Variants in TBC1D16 observed in about 807,000 individuals in gnomAD.
TBC1D16 encodes TBC1 domain family member 16.
TBC1D16 carries 58 observed loss-of-function variants against 74.7 expected under a neutral mutation model. The ratio of observed to expected loss-of-function variants is 0.78; its 90% CI spans 0.63 to 0.97. TBC1D16 has a LOEUF of 0.97. Among genes scored for constraint, TBC1D16 ranks in the 50% least tolerant of loss-of-function variants. The pLI, the probability that TBC1D16 is intolerant of heterozygous loss-of-function variation, is 0.00. For synonymous variants in TBC1D16, 493 were observed against 474.7 expected, an observed-to-expected ratio of 1.04 and a Z score of -0.50; for missense variants, 1,014 against 1,079.5, an observed-to-expected ratio of 0.94 and a Z score of 0.85.
Position 79,954,465 on chromosome 17 carries a change from C to A in TBC1D16, c.780-1647G>T, listed in dbSNP as rs2033238394. 6.6e-6 allele frequency among the ~76,000 whole-genome samples: 1 copy of A among 152,192 alleles called. No individual in the cohort carries two copies. The highest frequency in any genetic ancestry group is 2.1e-4 in the South Asian group (1 of 4,830). ...CGAACAGGTCCTCCCACTGCTGGGG[C>A]CCCTGGGCTCTCAAGGAAACTGAGT... On this transcript the variant is annotated intron_variant, in intron 3 of 11. Transcript: ENST00000310924. The surrounding 1 kb of genome is among the most constrained non-coding windows in gnomAD (Gnocchi z 5.5).
rs1338503083 is a variant in TBC1D16 at position 79,933,382 on chromosome 17, C to T, written c.*7477G>A. On this transcript the variant is annotated 3_prime_UTR_variant, in exon 12 of 12. Coordinates refer to ENST00000310924, the MANE Select transcript of TBC1D16 (RefSeq NM_019020.4). The stretch of plus-strand genomic sequence containing the variant: ...TCCCAGCCAAAGCGGCAAAGCCAGA[C>T]CTCCCGGGATTCCTTGAGTTTGGAC... The T allele has an allele frequency of 6.6e-6, 1 of 152,198 alleles. No homozygotes were observed. Among genetic ancestry groups the T allele is most frequent in the African/African-American group, 2.4e-5 (1 of 41,424 alleles). The allele number at this position is 152,198 out of a possible 1,614,324, so 9.4% of individuals were successfully genotyped here. A position where few individuals can be genotyped will look rare whatever the true frequency, so the allele number is the denominator to read the frequency against.
In TBC1D16 at chr17:80,030,638, G is replaced by A. The variant is rs570814069; in HGVS notation, c.-63+5157C>T. On this transcript the variant is annotated intron_variant, in intron 1 of 11. Coordinates refer to ENST00000310924, the MANE Select transcript of TBC1D16 (RefSeq NM_019020.4). ...CTCTGTGCCGTGCACCGGCCTCAGG[G>A]CCACCTTGGGTTAGGGGCCAGGATG... Among the ~76,000 whole-genome samples the A allele has an allele frequency of 3.0e-4, 46 of 152,328 alleles. No individual in the cohort carries two copies. The South Asian group carries it at 8.5e-3, about 28-fold the overall frequency.
chr17:79,947,543 C>G, intron 9 of TBC1D16, 102 bp downstream of exon 9: 1 of 1,343,286 alleles, frequency 7.4e-7, no homozygotes, highest in Non-Finnish European at 1.0e-6. Flanking sequence ...CACTGACCTA[C>G]AGCAGCCAAG....
Position 79,954,311 on chromosome 17 carries a change from C to T in TBC1D16, c.780-1493G>A, listed in dbSNP as rs2033230284. Among the ~76,000 whole-genome samples, 1 of 152,228 alleles carries T rather than the reference C, an allele frequency of 6.6e-6. No homozygotes were observed. The highest frequency in any genetic ancestry group is 6.5e-5 in the Admixed American group (1 of 15,286). On this transcript the variant is annotated intron_variant, in intron 3 of 11. Transcript: ENST00000310924. This position sits in a 1 kb window ranked among gnomAD's most constrained non-coding sequence, Gnocchi z 5.5. Reference sequence around the variant, plus strand: ...CCTTTGGAGGGTTCCAGCACAATCCCTCCCCACTGGGAACTTCACACAGAG... The same window carrying T: ...CCTTTGGAGGGTTCCAGCACAATCCTTCCCCACTGGGAACTTCACACAGAG...
Position 79,975,596 on chromosome 17 carries a change from TG to T in TBC1D16, c.780-22779del, listed in dbSNP as rs1243734857. ...CAACGAGTGACAGAGGGTTGGGGAC[TG>T]GGGGGGTCGTGCATGAAGACAGCCA... is the stretch of plus-strand genomic sequence containing the variant. On this transcript the variant is annotated intron_variant, in intron 3 of 11. Coordinates refer to ENST00000310924, the MANE Select transcript of TBC1D16 (RefSeq NM_019020.4). The surrounding 1 kb of genome is among the most constrained non-coding windows in gnomAD (Gnocchi z 4.5). Among the ~76,000 whole-genome samples, 6 of 152,104 alleles carry T rather than the reference TG, an allele frequency of 3.9e-5. No individual in the cohort carries two copies. The highest frequency in any genetic ancestry group is 7.4e-5 in the Non-Finnish European group (5 of 68,004).
chr17:79,950,480 G>T lies in TBC1D16; in HGVS notation c.1188C>A (p.Leu396=). The change falls in exon 6 of 12, where the codon CTC becomes CTA. Residue 396 remains leucine, a synonymous_variant. Coordinates refer to ENST00000310924, the MANE Select transcript of TBC1D16 (RefSeq NM_019020.4). This position sits in a 1 kb window ranked among gnomAD's most constrained non-coding sequence, Gnocchi z 4.6. The part of the protein sequence containing the change: ...THPEESMYKR[L]GVSAWLNHLN... ...GGTGGTTGAGCCAGGCGGAGACGCCGAGCCTCTTGTACATGCTCTCCTCGG... is the reference window on the plus strand; with the variant it reads ...GGTGGTTGAGCCAGGCGGAGACGCCTAGCCTCTTGTACATGCTCTCCTCGG... 1.9e-6 allele frequency: 3 copies of T among 1,613,060 alleles called. No individual in the cohort carries two copies. The highest frequency in any genetic ancestry group is 2.5e-6 in the Non-Finnish European group (3 of 1,179,858).
At chr17:80,016,725 C>T (rs1422791506) in intron 1 of TBC1D16, among the ~76,000 whole-genome samples, 1 of 152,128 alleles carries the variant, frequency 6.6e-6, no homozygotes, top group Admixed American at 6.5e-5. Flanking sequence ...GGCGGCTCAG[C>T]GCTCTCTGCC....
Position 79,949,742 on chromosome 17 carries a change from C to G in TBC1D16, c.1381G>C (p.Glu461Gln). Residue 461 changes from glutamate to glutamine, a missense_variant, in exon 7 of 12, where the codon GAG (glutamate) becomes CAG (glutamine). Transcript: ENST00000310924. ...CTTTTCTGCTGGATCTCAGAGTACT[C>G]CTTTCGCTTCTGCAGCCGCAGCGCC... Reference protein sequence around the residue: ...REALRLQKRKEYSEIQQKRLS... With the variant: ...REALRLQKRKQYSEIQQKRLS... 1 of 1,613,024 alleles carries G rather than the reference C, an allele frequency of 6.2e-7. No individual in the cohort carries two copies. Among genetic ancestry groups the G allele is most frequent in the African/African-American group, 1.3e-5 (1 of 75,050 alleles).
chr17:79,951,350 G>A (rs1031602634), intron 5 of TBC1D16, 100 bp downstream of exon 5: 5 of 1,441,954 alleles, frequency 3.5e-6, no homozygotes, highest in Non-Finnish European at 4.7e-6. Flanking sequence ...AAGCCCCCGG[G>A]GCCCGGGGAC....
chr17:79,943,103 G>A (rs1044413910), intron 10 of TBC1D16, among the ~76,000 whole-genome samples: 4 of 152,180 alleles, frequency 2.6e-5, no homozygotes, highest in Admixed American at 6.5e-5. Flanking sequence ...CGGTGTCCCC[G>A]GCCCAGGCTG....
chr17:80,034,222 C>T (rs1360774888), intron 1 of TBC1D16, among the ~76,000 whole-genome samples: 7 of 3,304 alleles, frequency 2.1e-3, no homozygotes, highest in South Asian at 0.015. Flanking sequence ...TTTTTTGAGA[C>T]ATAGAATGTT....
At chr17:79,970,831 T>C (rs895298496) in intron 3 of TBC1D16, among the ~76,000 whole-genome samples, 1 of 139,136 alleles carries the variant, frequency 7.2e-6, no homozygotes, top group African/African-American at 2.8e-5. Flanking sequence ...CCAGTCCTTG[T>C]ACGAGTCCCA....
intron 3 of TBC1D16, among the ~76,000 whole-genome samples, chr17:80,002,505 C>T (rs2035528773): frequency 1.3e-5 from 2 of 152,202 alleles, no homozygotes. Flanking sequence ...AACCCTTGTG[C>T]CATCGCCCCC....
intron 3 of TBC1D16, among the ~76,000 whole-genome samples, chr17:79,972,203 G>A (rs1044928949): frequency 2.0e-5 from 3 of 152,102 alleles, no homozygotes; most frequent in Admixed American, 6.5e-5. Context: ...CTGAGAGGGA[G>A]TCTTGCTTTG....
At position 80,010,673 on chromosome 17, in the gene TBC1D16, C is replaced by A. The variant is rs571653977; in HGVS notation, c.266G>T (p.Arg89Met). Residue 89 changes from arginine to methionine, a missense_variant, in exon 3 of 12, where the codon AGG becomes ATG. Coordinates refer to ENST00000310924, the MANE Select transcript of TBC1D16 (RefSeq NM_019020.4). The surrounding 1 kb of genome is among the most constrained non-coding windows in gnomAD (Gnocchi z 8.8). The part of the protein sequence containing the change: ...LAWVPNSRIQ[R>M]QDEEALRYIT... Reference sequence around the variant, plus strand: ...GTAGCGCAGGGCCTCCTCGTCCTGCCTCTGGATGCGAGAGTTGGGGACCCA... The same window carrying A: ...GTAGCGCAGGGCCTCCTCGTCCTGCATCTGGATGCGAGAGTTGGGGACCCA... 2 of 1,528,882 alleles carry A rather than the reference C, an allele frequency of 1.3e-6. No homozygotes were observed. The highest frequency in any genetic ancestry group is 2.2e-5 in the Admixed American group (1 of 45,648). 94.7% of individuals were successfully genotyped at this position (1,528,882 alleles called of 1,614,324 possible). A position where few individuals can be genotyped will look rare whatever the true frequency, so the allele number is the denominator to read the frequency against.
chr17:80,009,449 G>T lies in TBC1D16; in HGVS notation c.779+711C>A, dbSNP rs2035796087. On this transcript the variant is annotated intron_variant, in intron 3 of 11. Coordinates refer to ENST00000310924, the MANE Select transcript of TBC1D16 (RefSeq NM_019020.4). This position sits in a 1 kb window ranked among gnomAD's most constrained non-coding sequence, Gnocchi z 5.4. ...TCCCCACTCAGGAAGGTCTCTTTGG[G>T]TTCCAAGGCCCAGGGAACCCACCGC... Among the ~76,000 whole-genome samples, 1 of 152,200 alleles carries T rather than the reference G, an allele frequency of 6.6e-6. No homozygotes were observed.
chr17:79,964,418 G>C (rs1003143016), intron 3 of TBC1D16, among the ~76,000 whole-genome samples: 1 of 152,052 alleles, frequency 6.6e-6, no homozygotes, highest in African/African-American at 2.4e-5. Flanking sequence ...ATTTTGATGC[G>C]CACATTTTTA....
At chr17:80,018,626 T>G (rs1438240236) in intron 1 of TBC1D16, among the ~76,000 whole-genome samples, 1 of 145,118 alleles carries the variant, frequency 6.9e-6, no homozygotes, top group African/African-American at 2.8e-5. Context: ...TTTTTTTTTT[T>G]AGAGACAGGT....
intron 3 of TBC1D16, chr17:79,992,283 A>C (rs1182815802): frequency 6.6e-6 from 1 of 152,342 alleles, no homozygotes; most frequent in Non-Finnish European, 1.5e-5. Flanking sequence ...AACCGCTGTC[A>C]GGAAACTGTG....
Sources: gnomAD v4.1 joint callset for allele counts (sites outside exome capture counted in the v4.1 genomes callset) on GRCh38, gnomAD v4.1.1 for gene constraint, Gnocchi (gnomAD v3.1) non-coding constraint, MANE v1.5 for transcripts, NCBI Gene and HGNC (gene_info 2026-07-23, HGNC 2026-07-21) for gene names.